PLCL1: variants seen among roughly 807,000 people sequenced by gnomAD.
PLCL1 encodes phospholipase C like 1 (inactive), also known as inactive phospholipase C-like protein 1.
PLCL1 carries 41 observed loss-of-function variants against 84.4 expected under a neutral mutation model. The ratio of observed to expected loss-of-function variants is 0.49; its 90% CI spans 0.38 to 0.63. The LOEUF (loss-of-function observed/expected upper bound fraction) is 0.63, where lower values mean the gene tolerates loss of function less well. Ranked by LOEUF, PLCL1 falls within the 30% of genes least tolerant of loss-of-function variation. The probability of loss-of-function intolerance (pLI) is 0.00; values close to 1 mark genes in which losing one functional copy is unlikely to be tolerated. For missense variants in PLCL1, 1,206 were observed against 1,367.8 expected, an observed-to-expected ratio of 0.88 and a Z score of 1.87; for synonymous variants, 490 against 488.3, an observed-to-expected ratio of 1.00 and a Z score of -0.05.
chr2:197,913,258 C>T (rs1156454231), intron 1 of PLCL1, among the ~76,000 whole-genome samples: 1 of 152,200 alleles, frequency 6.6e-6, no homozygotes, highest in Non-Finnish European at 1.5e-5. Flanking sequence ...CATATTTGGA[C>T]TCCAAGGGCC....
chr2:198,032,535 G>C (rs920361187), intron 1 of PLCL1, among the ~76,000 whole-genome samples: 6 of 152,002 alleles, frequency 3.9e-5, no homozygotes, highest in Non-Finnish European at 8.8e-5. Flanking sequence ...CTAAGCATCA[G>C]GTGAACCAAA....
rs529489365 is a variant in PLCL1, at chr2:197,929,867, A to G, written c.240+124528A>G. On this transcript the variant is annotated intron_variant, in intron 1 of 5. Coordinates refer to ENST00000428675, the MANE Select transcript of PLCL1 (RefSeq NM_006226.4). ...TCAGTGTGAGGTTATAGAATAATAG[A>G]GAGAAAAAGAAAACAAAAATAACAT... Among the ~76,000 whole-genome samples, 4 of 152,332 alleles carry G rather than the reference A, an allele frequency of 2.6e-5. No individual in the cohort carries two copies. In the South Asian group the frequency reaches 8.3e-4, roughly 32 times the overall value.
intron 1 of PLCL1, among the ~76,000 whole-genome samples, chr2:198,010,841 A>G (rs921607930): frequency 6.6e-6 from 1 of 151,424 alleles, no homozygotes; most frequent in Non-Finnish European, 1.5e-5. Context: ...CTCACTAGTT[A>G]TAGATCTGTT....
intron 1 of PLCL1, among the ~76,000 whole-genome samples, chr2:197,818,474 T>C (rs1489446522): frequency 6.6e-6 from 1 of 152,024 alleles, no homozygotes; most frequent in Non-Finnish European, 1.5e-5. Flanking sequence ...ACTTACCTCA[T>C]TGTAAGGTGA....
chr2:197,940,103 ATTGT>A (rs1168708712), intron 1 of PLCL1, among the ~76,000 whole-genome samples: 5 of 151,416 alleles, frequency 3.3e-5, no homozygotes, highest in Admixed American at 3.3e-4. Flanking sequence ...CTTTCTCCAA[ATTGT>A]TTTTTTTGAA....
intron 1 of PLCL1, among the ~76,000 whole-genome samples, chr2:197,990,698 C>A (rs1574229203): frequency 6.6e-6 from 1 of 152,132 alleles, no homozygotes; most frequent in South Asian, 2.1e-4. Flanking sequence ...AGGATTATGG[C>A]AGCTACAATT....
chr2:198,122,330 A>T (rs1693887458), intron 5 of PLCL1, among the ~76,000 whole-genome samples: 1 of 152,138 alleles, frequency 6.6e-6, no homozygotes, highest in African/African-American at 2.4e-5. Context: ...ATTAACAATC[A>T]AAGTGACTGA....
rs78038651 is a variant in PLCL1, at chr2:198,101,463, A to G, written c.2995+103A>G. On this transcript the variant is annotated intron_variant, in intron 4 of 5. Transcript: ENST00000428675. Reference sequence around the variant, plus strand: ...TTTTCAGAAACTTTCTGCTTCTCTTAAAATGCAGTTATTTTATAGCAATGC... The same window carrying G: ...TTTTCAGAAACTTTCTGCTTCTCTTGAAATGCAGTTATTTTATAGCAATGC... The G allele has an allele frequency of 6.3e-3, 4,143 of 655,106 alleles. 122 individuals carry two copies. The African/African-American group carries it at 0.069, about 11-fold the overall frequency. 40.6% of individuals were successfully genotyped at this position (655,106 alleles called of 1,614,324 possible). A position where few individuals can be genotyped will look rare whatever the true frequency, so the allele number is the denominator to read the frequency against.
chr2:198,127,016 G>T (rs1289422093), intron 5 of PLCL1, among the ~76,000 whole-genome samples: 2 of 119,734 alleles, frequency 1.7e-5, no homozygotes, highest in African/African-American at 6.6e-5. Flanking sequence ...GTGTGTGGGG[G>T]GTGGTGTATT....
Position 198,091,857 on chromosome 2 carries a change from T to C in PLCL1, c.2919+2796T>C, listed in dbSNP as rs549526211. ...AACTCCTGACTGTGGCTTTACAAGG[T>C]CATTTATGATTTGCCCCTGCTTGTC... On this transcript the variant is annotated intron_variant, in intron 3 of 5. Coordinates refer to ENST00000428675, the MANE Select transcript of PLCL1 (RefSeq NM_006226.4). 2.0e-5 allele frequency among the ~76,000 whole-genome samples: 3 copies of C among 152,164 alleles called. No individual in the cohort carries two copies. In the East Asian group the frequency reaches 5.8e-4, roughly 29 times the overall value.
intron 1 of PLCL1, among the ~76,000 whole-genome samples, chr2:197,982,888 A>G (rs1255429176): frequency 1.3e-5 from 2 of 152,216 alleles, no homozygotes; most frequent in Non-Finnish European, 2.9e-5. Context: ...ACTTTTAAAT[A>G]TCAATATTTT....
At chr2:197,877,740 G>C (rs1220278811) in intron 1 of PLCL1, among the ~76,000 whole-genome samples, 2 of 152,054 alleles carry the variant, frequency 1.3e-5, no homozygotes, top group Non-Finnish European at 2.9e-5. Context: ...TAATTTCTTA[G>C]AGCAAATCCT....
intron 1 of PLCL1, among the ~76,000 whole-genome samples, chr2:197,969,562 A>G (rs1335231769): frequency 6.6e-6 from 1 of 151,968 alleles, no homozygotes; most frequent in African/African-American, 2.4e-5. Context: ...AGATCTAGCT[A>G]TCTACTCTTT....
chr2:197,808,577 T>C (rs1690526606), intron 1 of PLCL1, among the ~76,000 whole-genome samples: 1 of 152,162 alleles, frequency 6.6e-6, no homozygotes, highest in Non-Finnish European at 1.5e-5. Context: ...AGAAAATGCA[T>C]TTTTCACAGT....
intron 1 of PLCL1, among the ~76,000 whole-genome samples, chr2:197,891,488 G>T (rs1026870572): frequency 6.6e-6 from 1 of 152,070 alleles, no homozygotes; most frequent in Non-Finnish European, 1.5e-5. Flanking sequence ...AACAGACATT[G>T]GGCGTGTGAA....
intron 1 of PLCL1, among the ~76,000 whole-genome samples, chr2:197,806,024 A>G (rs913566013): frequency 1.3e-5 from 2 of 152,182 alleles, no homozygotes; most frequent in Admixed American, 6.5e-5. Flanking sequence ...TTTGGCAAGG[A>G]ATTTGTAAAC....
At chr2:198,080,657 G>C (rs1044210051) in intron 1 of PLCL1, among the ~76,000 whole-genome samples, 1 of 152,192 alleles carries the variant, frequency 6.6e-6, no homozygotes, top group African/African-American at 2.4e-5. Context: ...ACCTTTTCCA[G>C]CGTATTTTGA....
intron 5 of PLCL1, among the ~76,000 whole-genome samples, chr2:198,132,424 T>C (rs893815273): frequency 6.6e-6 from 1 of 152,144 alleles, no homozygotes; most frequent in African/African-American, 2.4e-5. Context: ...TACATGGTGA[T>C]AGTTTAAAGT....
intron 1 of PLCL1, among the ~76,000 whole-genome samples, chr2:197,917,576 A>T (rs1688620422): frequency 6.6e-6 from 1 of 152,226 alleles, no homozygotes; most frequent in Non-Finnish European, 1.5e-5. Context: ...GTTAAAACCC[A>T]TAGAACTTTA....
Sources: allele counts gnomAD v4.1 joint callset (sites outside exome capture counted in the v4.1 genomes callset), GRCh38; gene constraint gnomAD v4.1.1; transcripts MANE v1.5; gene names NCBI Gene and HGNC (gene_info 2026-07-23, HGNC 2026-07-21).